The following CA1 variants were observed in gnomAD, a reference collection of about 807,000 sequenced individuals.
CA1 encodes carbonate dehydratase I.
In CA1, 27 loss-of-function variants were observed where a neutral mutation model predicts 28.8. That is an observed-to-expected ratio of 0.94 (90% CI 0.69 to 1.29). The LOEUF is 1.29. Among genes scored for constraint, CA1 ranks in the 50% most tolerant of loss-of-function variants. CA1 has a pLI of 0.00. For synonymous variants in CA1, 121 were observed against 108.8 expected (o/e 1.11, Z -0.70); for missense variants, 335 against 310.5 (o/e 1.08, Z -0.59).
intron 6 of CA1, among the ~76,000 whole-genome samples, chr8:85,332,059 AT>A (rs941495510): frequency 1.3e-5 from 2 of 151,970 alleles, no homozygotes; most frequent in Middle Eastern, 3.4e-3. Context: ...CAAAAAATCC[AT>A]TTTTTTTGAG....
chr8:85,350,230 C>G (rs1398411703), intron 1 of CA1, among the ~76,000 whole-genome samples: 2 of 152,126 alleles, frequency 1.3e-5, no homozygotes, highest in Non-Finnish European at 2.9e-5. Flanking sequence ...TTTGATATCA[C>G]GTAACTCTTC....
At chr8:85,342,784 C>T (rs574408066) in intron 1 of CA1, 1 of 152,278 alleles carries the variant, frequency 6.6e-6, no homozygotes, top group East Asian at 1.9e-4. Flanking sequence ...GACAGTCATT[C>T]CTCCTTTCAC....
chr8:85,374,682 C>G (rs769966896), intron 1 of CA1, among the ~76,000 whole-genome samples: 3 of 152,204 alleles, frequency 2.0e-5, no homozygotes, highest in Admixed American at 6.5e-5. Flanking sequence ...AGCTCTGTCT[C>G]TGTGCATTTC....
chr8:85,335,188 A>G (rs904820659), intron 4 of CA1, among the ~76,000 whole-genome samples: 5 of 152,028 alleles, frequency 3.3e-5, no homozygotes, highest in South Asian at 2.1e-4. Flanking sequence ...CTGTATTCCT[A>G]TGCTTCTTTG....
chr8:85,362,470 T>C lies in CA1; in HGVS notation c.-25+15576A>G, dbSNP rs926821289. 3.2e-4 allele frequency among the ~76,000 whole-genome samples: 49 copies of C among 152,108 alleles called. 1 individual carries two copies. The highest frequency in any genetic ancestry group is 7.1e-4 in the Non-Finnish European group (48 of 67,978). ...TGATGGTGGCGTTTGAAGGTGGTGG[T>C]GGCTGGGGTATTGAGGAGGAAACAG... On this transcript the variant is annotated intron_variant, in intron 1 of 7. Transcript: ENST00000523022.
intron 1 of CA1, among the ~76,000 whole-genome samples, chr8:85,360,679 C>T (rs1053682979): frequency 1.3e-5 from 2 of 152,080 alleles, no homozygotes; most frequent in Non-Finnish European, 2.9e-5. Context: ...GGCGACACCC[C>T]CTGTCTCTAA....
chr8:85,355,451 C>G (rs537108812), intron 1 of CA1, among the ~76,000 whole-genome samples: 2 of 151,750 alleles, frequency 1.3e-5, no homozygotes, highest in African/African-American at 2.4e-5. Context: ...AGGCTGGGTG[C>G]AGATCACTGC....
chr8:85,341,701 T>C (rs1808941048), intron 1 of CA1, 42 bp from the exon 2 acceptor site: 1 of 1,075,530 alleles, frequency 9.3e-7, no homozygotes, highest in Admixed American at 1.7e-5. Flanking sequence ...ACTGCAACTG[T>C]GCATGCAGGA....
intron 1 of CA1, among the ~76,000 whole-genome samples, chr8:85,355,027 G>A (rs1809552118): frequency 6.6e-6 from 1 of 152,130 alleles, no homozygotes; most frequent in African/African-American, 2.4e-5. Flanking sequence ...ACTGCTGCCT[G>A]TGTCAGGATG....
rs760702002 is a variant in CA1 at position 85,328,590 on chromosome 8, C to G, written c.756G>C (p.Leu252=). The stretch of plus-strand genomic sequence containing the variant: ...ATGAAGCTCTCACTGTTCTGCCCTT[C>G]AGAGGTTGGGTTGGGCGGTTGTTGT... The part of the protein sequence containing the change: ...MQHNNRPTQP[L]KGRTVRASF Residue 252 remains leucine, a synonymous_variant, in exon 8 of 8, where the codon CTG becomes CTC. Transcript: ENST00000523022. 5.0e-6 allele frequency: 8 copies of G among 1,610,964 alleles called. No individual in the cohort carries two copies. In the South Asian group the frequency reaches 8.8e-5, roughly 18 times the overall value.
chr8:85,344,291 G>A (rs1407680555), intron 1 of CA1, among the ~76,000 whole-genome samples: 2 of 53,950 alleles, frequency 3.7e-5, no homozygotes, highest in East Asian at 5.5e-4. Flanking sequence ...ATTATATACA[G>A]TATATAATAT....
intron 1 of CA1, chr8:85,343,079 T>C (rs566346070): frequency 1.3e-5 from 2 of 152,270 alleles, no homozygotes; most frequent in Admixed American, 1.3e-4. Flanking sequence ...GATCAACTGC[T>C]GTGCTAAAAA....
At chr8:85,371,945 A>C (rs1008330646) in intron 1 of CA1, among the ~76,000 whole-genome samples, 1 of 152,292 alleles carries the variant, frequency 6.6e-6, no homozygotes, top group Admixed American at 6.5e-5. Context: ...GTCAGGTCCT[A>C]TGCTGGGTGT....
At chr8:85,340,028 G>T (rs1244323907) in intron 2 of CA1, among the ~76,000 whole-genome samples, 1 of 152,224 alleles carries the variant, frequency 6.6e-6, no homozygotes, top group Non-Finnish European at 1.5e-5. Context: ...GCCGCAGACA[G>T]TTATACAGAA....
At chr8:85,345,691 G>A (rs368247377) in intron 1 of CA1, among the ~76,000 whole-genome samples, 5 of 152,116 alleles carry the variant, frequency 3.3e-5, no homozygotes, top group Non-Finnish European at 7.4e-5. Flanking sequence ...CTGAACTCAG[G>A]TTGTGTGGTA....
intron 1 of CA1, among the ~76,000 whole-genome samples, chr8:85,351,133 T>C (rs1321232753): frequency 6.6e-6 from 1 of 152,216 alleles, no homozygotes; most frequent in Non-Finnish European, 1.5e-5. Context: ...CAACTTCTGA[T>C]ACTACACACT....
At chr8:85,360,847 A>G (rs1809768098) in intron 1 of CA1, among the ~76,000 whole-genome samples, 1 of 152,168 alleles carries the variant, frequency 6.6e-6, no homozygotes, top group Non-Finnish European at 1.5e-5. Context: ...CTATTTATCA[A>G]ATCAGCAGCA....
intron 1 of CA1, among the ~76,000 whole-genome samples, chr8:85,361,168 C>G (rs1809778718): frequency 6.6e-6 from 1 of 152,138 alleles, no homozygotes; most frequent in South Asian, 2.1e-4. Context: ...TGTGACTCTT[C>G]TGCTCAGACA....
chr8:85,377,944 G>A (rs1244868413), intron 1 of CA1, 102 bp downstream of exon 1: 1 of 152,186 alleles, frequency 6.6e-6, no homozygotes, highest in Non-Finnish European at 1.5e-5. Context: ...TAATTAAGAT[G>A]TAGGTAGGAC....
Sources: gnomAD v4.1 joint callset for allele counts (sites outside exome capture counted in the v4.1 genomes callset) on GRCh38, gnomAD v4.1.1 for gene constraint, MANE v1.5 for transcripts, NCBI Gene and HGNC (gene_info 2026-07-23, HGNC 2026-07-21) for gene names.